NYAP2: variants seen among roughly 807,000 people sequenced by gnomAD.
NYAP2 encodes the protein neuronal tyrosine-phosphorylated phosphoinositide-3-kinase adaptor 2.
Under a neutral mutation model 50.4 loss-of-function variants are expected in NYAP2, and 23 were observed. That is an observed-to-expected ratio of 0.46 (90% confidence interval 0.33 to 0.65). NYAP2 has a LOEUF of 0.65. Among genes scored for constraint, NYAP2 ranks in the 30% least tolerant of loss-of-function variants. The probability of loss-of-function intolerance (pLI) is 0.02; values close to 1 mark genes in which losing one functional copy is unlikely to be tolerated. For missense variants in NYAP2, 885 were observed against 861.0 expected, an observed-to-expected ratio of 1.03 and a Z score of -0.35; for synonymous variants, 394 against 365.2, an observed-to-expected ratio of 1.08 and a Z score of -0.90.
chr2:225,538,476 G>A (rs887999054), intron 4 of NYAP2, among the ~76,000 whole-genome samples: 3 of 152,230 alleles, frequency 2.0e-5, no homozygotes, highest in African/African-American at 7.2e-5. Flanking sequence ...TGAAGCCATG[G>A]ACTGAGCTCT....
At chr2:225,574,727 T>C (rs1692141293) in intron 4 of NYAP2, among the ~76,000 whole-genome samples, 2 of 152,214 alleles carry the variant, frequency 1.3e-5, no homozygotes, top group Admixed American at 1.3e-4. Flanking sequence ...GAGAAAGGCT[T>C]CTCTCTACTT....
intron 4 of NYAP2, among the ~76,000 whole-genome samples, chr2:225,556,328 A>G (rs1691775453): frequency 6.6e-6 from 1 of 152,240 alleles, no homozygotes; most frequent in South Asian, 2.1e-4. Context: ...AATAGATATA[A>G]TTTTATTACA....
chr2:225,590,129 A>G (rs187933144), intron 5 of NYAP2, among the ~76,000 whole-genome samples: 346 of 152,330 alleles, frequency 2.3e-3, no homozygotes, highest in Non-Finnish European at 4.0e-3. Context: ...TTTCTTAAAC[A>G]TCTCAAATAA....
intron 5 of NYAP2, among the ~76,000 whole-genome samples, chr2:225,616,599 ATGG>A (rs1489559748): frequency 6.6e-6 from 1 of 152,178 alleles, no homozygotes; most frequent in African/African-American, 2.4e-5. Context: ...CAACTAACCA[ATGG>A]TGGTACTGGA....
chr2:225,505,869 AT>A (rs1690694842), intron 3 of NYAP2, among the ~76,000 whole-genome samples: 1 of 152,088 alleles, frequency 6.6e-6, no homozygotes, highest in Non-Finnish European at 1.5e-5. Flanking sequence ...GGTCCCACTT[AT>A]TTTCATTCAC....
At chr2:225,514,801 G>A (rs1310344506) in intron 4 of NYAP2, among the ~76,000 whole-genome samples, 1 of 152,278 alleles carries the variant, frequency 6.6e-6, no homozygotes, top group Non-Finnish European at 1.5e-5. Flanking sequence ...AGGTCCCATA[G>A]CTTCTCTTCT....
At chr2:225,431,946 TA>T (rs1467219587) in intron 3 of NYAP2, among the ~76,000 whole-genome samples, 1 of 152,080 alleles carries the variant, frequency 6.6e-6, no homozygotes, top group East Asian at 1.9e-4. Flanking sequence ...ATATAATTTA[TA>T]ACAATGATAG....
chr2:225,553,190 C>A (rs1317983411), intron 4 of NYAP2, among the ~76,000 whole-genome samples: 1 of 152,226 alleles, frequency 6.6e-6, no homozygotes, highest in Non-Finnish European at 1.5e-5. Flanking sequence ...CATAAAGAAG[C>A]TGGTTCTAGG....
At chr2:225,560,799 TG>T (rs1691856749) in intron 4 of NYAP2, among the ~76,000 whole-genome samples, 2 of 152,138 alleles carry the variant, frequency 1.3e-5, no homozygotes, top group Admixed American at 1.3e-4. Flanking sequence ...TAATCCAAGT[TG>T]GTTTTTGTTT....
the NYAP2 span, among the ~76,000 whole-genome samples, chr2:225,691,342 ACAC>A: frequency 7.7e-4 from 117 of 152,260 alleles, no homozygotes; most frequent in African/African-American, 2.8e-3. Context: ...TGATTTATGT[ACAC>A]CACCATTTGA....
chr2:225,659,791 G>A, the NYAP2 span, among the ~76,000 whole-genome samples: 1 of 152,136 alleles, frequency 6.6e-6, no homozygotes, highest in Non-Finnish European at 1.5e-5. Context: ...GTAAAGTCCT[G>A]GACAGACATT....
chr2:225,692,660 T>C, the NYAP2 span, among the ~76,000 whole-genome samples: 2 of 152,062 alleles, frequency 1.3e-5, no homozygotes, highest in African/African-American at 4.8e-5. Context: ...ATACTATGTA[T>C]GTATGAATTA....
intron 5 of NYAP2, among the ~76,000 whole-genome samples, chr2:225,601,556 CT>C (rs1412838323): frequency 1.3e-5 from 2 of 152,088 alleles, no homozygotes; most frequent in Non-Finnish European, 2.9e-5. Flanking sequence ...AACATTTGTT[CT>C]TTTGTTTTGT....
chr2:225,616,913 T>C (rs1693000774), intron 5 of NYAP2, among the ~76,000 whole-genome samples: 1 of 152,240 alleles, frequency 6.6e-6, no homozygotes, highest in Non-Finnish European at 1.5e-5. Context: ...GCTTAATTAA[T>C]CTGCCTTGAT....
intron 3 of NYAP2, among the ~76,000 whole-genome samples, chr2:225,489,706 G>A (rs1247293141): frequency 3.3e-5 from 5 of 152,238 alleles, no homozygotes; most frequent in Admixed American, 6.5e-5. Context: ...AAGCCAGCAG[G>A]GTATCCTCCT....
intron 6 of NYAP2, among the ~76,000 whole-genome samples, chr2:225,628,756 T>C (rs2106258919): frequency 6.6e-6 from 1 of 152,312 alleles, no homozygotes; most frequent in South Asian, 2.1e-4. Context: ...ACCAATTCTA[T>C]TGAAAATACG....
At chr2:225,410,202 G>A (rs1242695949) in intron 3 of NYAP2, among the ~76,000 whole-genome samples, 1 of 152,054 alleles carries the variant, frequency 6.6e-6, no homozygotes, top group Non-Finnish European at 1.5e-5. Flanking sequence ...AAGGAATGGT[G>A]TACAAGATTG....
intron 3 of NYAP2, among the ~76,000 whole-genome samples, chr2:225,430,278 C>A (rs1347181542): frequency 1.3e-5 from 2 of 152,142 alleles, no homozygotes; most frequent in South Asian, 2.1e-4. Context: ...CCATCAAAAT[C>A]TTAGAACATG....
the NYAP2 span, among the ~76,000 whole-genome samples, chr2:225,689,692 C>T: frequency 6.6e-6 from 1 of 151,924 alleles, no homozygotes. Context: ...TCTGAGTCAA[C>T]AGTGCTGATA....
Sources: allele counts gnomAD v4.1 joint callset (sites outside exome capture counted in the v4.1 genomes callset), GRCh38; gene constraint gnomAD v4.1.1; transcripts MANE v1.5; gene names NCBI Gene and HGNC (gene_info 2026-07-23, HGNC 2026-07-21).